The following DGCR2 variants were observed in gnomAD, a reference collection of about 807,000 sequenced individuals.
DGCR2 encodes the protein integral membrane protein DGCR2/IDD.
Under a neutral mutation model 51.6 loss-of-function variants are expected in DGCR2, and 24 were observed. The ratio of observed to expected loss-of-function variants is 0.47; its 90% CI spans 0.34 to 0.65. The LOEUF (loss-of-function observed/expected upper bound fraction) is 0.65, where lower values mean the gene tolerates loss of function less well. DGCR2 is among the 30% of genes least tolerant of loss of function. The probability of loss-of-function intolerance (pLI) is 0.01; values close to 1 mark genes in which losing one functional copy is unlikely to be tolerated. For missense variants in DGCR2, 765 were observed against 772.1 expected, an observed-to-expected ratio of 0.99 and a Z score of 0.11; for synonymous variants, 340 against 315.4, an observed-to-expected ratio of 1.08 and a Z score of -0.82.
chr22:19,046,026 C>A (rs1169436863), intron 7 of DGCR2: 2 of 152,180 alleles, frequency 1.3e-5, no homozygotes, highest in East Asian at 3.9e-4. Context: ...CCATGCCTCG[C>A]TCCACCTGAT....
chr22:19,101,089 C>A (rs1427720853), intron 1 of DGCR2, among the ~76,000 whole-genome samples: 1 of 152,122 alleles, frequency 6.6e-6, no homozygotes, highest in African/African-American at 2.4e-5. Context: ...CCAGCCTGGG[C>A]ATCACAGCGA....
chr22:19,104,161 C>T (rs1258846835), intron 1 of DGCR2, among the ~76,000 whole-genome samples: 1 of 152,084 alleles, frequency 6.6e-6, no homozygotes, highest in Admixed American at 6.6e-5. Context: ...GCAAATGACA[C>T]CTCAGTATTA....
intron 1 of DGCR2, among the ~76,000 whole-genome samples, chr22:19,115,422 G>A (rs2083363726): frequency 6.6e-6 from 1 of 152,152 alleles, no homozygotes; most frequent in African/African-American, 2.4e-5. Context: ...GCTCCTACCA[G>A]GGTGGGGCCC....
chr22:19,119,036 G>T (rs541499309), intron 1 of DGCR2, among the ~76,000 whole-genome samples: 11 of 152,304 alleles, frequency 7.2e-5, no homozygotes, highest in Admixed American at 6.5e-4. Context: ...TTGGCAGAGG[G>T]TGAGTGGTTC....
intron 2 of DGCR2, among the ~76,000 whole-genome samples, chr22:19,089,004 G>A (rs1325621170): frequency 6.6e-6 from 1 of 152,088 alleles, no homozygotes; most frequent in Non-Finnish European, 1.5e-5. Flanking sequence ...GGATCAAGAG[G>A]CACCCACATC....
In DGCR2 at chr22:19,065,047, T is replaced by C. The variant is rs756598431; in HGVS notation, c.349A>G (p.Thr117Ala). Residue 117 changes from threonine to alanine, a missense_variant, in exon 4 of 10, where the codon ACA becomes GCA. By Grantham distance (58) the Thr-to-Ala change is moderately conservative (BLOSUM62 0). Transcript: ENST00000263196. Reference sequence around the variant, plus strand: ...GTGCCTTCGTAGTGGTGCCACCCTGTCGGGCACTTCCCTAGGAAACATAAA... The same window carrying C: ...GTGCCTTCGTAGTGGTGCCACCCTGCCGGGCACTTCCCTAGGAAACATAAA... ...RFSSFLGKCPTGWHHYEGTAS... is the reference protein window; with the variant it reads ...RFSSFLGKCPAGWHHYEGTAS... The C allele has an allele frequency of 1.9e-6, 3 of 1,613,950 alleles. No homozygotes were observed.
At chr22:19,092,965 AAGG>A (rs1419761137) in intron 1 of DGCR2, among the ~76,000 whole-genome samples, 4 of 138,890 alleles carry the variant, frequency 2.9e-5, no homozygotes, top group Admixed American at 7.2e-5. Context: ...AAGTTAAAAA[AAGG>A]AGGAGGAAGA....
intron 2 of DGCR2, among the ~76,000 whole-genome samples, chr22:19,087,526 C>T (rs1313091319): frequency 2.6e-5 from 4 of 152,070 alleles, no homozygotes; most frequent in East Asian, 3.9e-4. Context: ...TACAGGTGCT[C>T]GCCACCACGC....
chr22:19,085,120 AC>A (rs1291681440), intron 2 of DGCR2, among the ~76,000 whole-genome samples: 4 of 151,718 alleles, frequency 2.6e-5, no homozygotes, highest in African/African-American at 9.7e-5. Context: ...AAAAAAAAAA[AC>A]AAAGATGGTT....
Position 19,089,399 on chromosome 22 carries a change from G to C in DGCR2, c.171C>G (p.Cys57Trp). The change falls in exon 2 of 10, where the codon TGC becomes TGG. Residue 57 changes from cysteine (C) to tryptophan (W), a missense_variant. Transcript: ENST00000263196. ...AGTTGGCTTCGTCGCTCTCATCCTCGCAAGTCGCCCAGCCGTCACACTGCC... is the reference window on the plus strand; with the variant it reads ...AGTTGGCTTCGTCGCTCTCATCCTCCCAAGTCGCCCAGCCGTCACACTGCC... ...LPWQCDGWAT[C>W]EDESDEANCP... 6.2e-7 allele frequency: 1 copy of C among 1,610,302 alleles called. No homozygotes were observed. The highest frequency in any genetic ancestry group is 8.5e-7 in the Non-Finnish European group (1 of 1,178,182).
intron 1 of DGCR2, among the ~76,000 whole-genome samples, chr22:19,110,523 C>A (rs2083303248): frequency 6.6e-6 from 1 of 152,016 alleles, no homozygotes; most frequent in Non-Finnish European, 1.5e-5. Flanking sequence ...GGCTTAAAAC[C>A]TAGATGACAG....
intron 1 of DGCR2, among the ~76,000 whole-genome samples, chr22:19,113,664 G>A (rs534694961): frequency 3.9e-5 from 6 of 152,298 alleles, no homozygotes; most frequent in East Asian, 3.9e-4. Context: ...AAGGCGACAC[G>A]CTCCCATCCT....
rs538543269 is a variant in DGCR2 at position 19,115,626 on chromosome 22, G to A, written c.79+6502C>T. Among the ~76,000 whole-genome samples, 3 of 152,370 alleles carry A rather than the reference G, an allele frequency of 2.0e-5. No homozygotes were observed. In the East Asian group the frequency reaches 5.8e-4, roughly 29 times the overall value. On this transcript the variant is annotated intron_variant, in intron 1 of 9. Coordinates refer to ENST00000263196, the MANE Select transcript of DGCR2 (RefSeq NM_005137.3). Reference sequence around the variant, plus strand: ...GCATTTGTGCATTTGTTCAATAACTGATTTCTGAGTGCCCAGTCTGTGCCT... The same window carrying A: ...GCATTTGTGCATTTGTTCAATAACTAATTTCTGAGTGCCCAGTCTGTGCCT...
rs575702259 is a variant in DGCR2, at chr22:19,044,564, T to C, written c.1007-2605A>G. Among the ~76,000 whole-genome samples, 4 of 152,262 alleles carry C rather than the reference T, an allele frequency of 2.6e-5. No homozygotes were observed. In the East Asian group the frequency reaches 7.7e-4, roughly 29 times the overall value. ...CCTCACCATGCCTCTGGGAACCTCA[T>C]CGTATCAGGGCTGCCCGACAGCAGC... On this transcript the variant is annotated intron_variant, in intron 7 of 9. Coordinates refer to ENST00000263196, the MANE Select transcript of DGCR2 (RefSeq NM_005137.3).
At chr22:19,083,641 T>TG (rs1193541920) in intron 2 of DGCR2, among the ~76,000 whole-genome samples, 1 of 151,936 alleles carries the variant, frequency 6.6e-6, no homozygotes, top group Admixed American at 6.6e-5. Context: ...TTACACATCT[T>TG]TTGTTAATTC....
chr22:19,069,651 G>A (rs1325961920), intron 2 of DGCR2, among the ~76,000 whole-genome samples: 1 of 152,156 alleles, frequency 6.6e-6, no homozygotes, highest in Non-Finnish European at 1.5e-5. Context: ...TGGCTGCATA[G>A]TATTCCACAA....
At chr22:19,047,471 G>A (rs1601508784) in intron 7 of DGCR2, 1 of 152,182 alleles carries the variant, frequency 6.6e-6, no homozygotes, top group Non-Finnish European at 1.5e-5. Context: ...ACAAGTCCAG[G>A]GGCTTCCAAA....
chr22:19,096,792 T>C (rs769840870), intron 1 of DGCR2, among the ~76,000 whole-genome samples: 5 of 151,646 alleles, frequency 3.3e-5, no homozygotes, highest in Admixed American at 6.6e-5. Context: ...GGCACAATCA[T>C]GGTGCCTCAA....
chr22:19,082,028 TCA>T (rs987848858), intron 2 of DGCR2, among the ~76,000 whole-genome samples: 11 of 151,660 alleles, frequency 7.3e-5, no homozygotes, highest in African/African-American at 2.7e-4. Context: ...GCTTGTCTTT[TCA>T]CAGTCTTTAC....
Sources: allele counts gnomAD v4.1 joint callset (sites outside exome capture counted in the v4.1 genomes callset), GRCh38; gene constraint gnomAD v4.1.1; transcripts MANE v1.5; gene names NCBI Gene and HGNC (gene_info 2026-07-23, HGNC 2026-07-21).